Variants in NAA35 observed in about 807,000 individuals in gnomAD.
NAA35 encodes the protein N-alpha-acetyltransferase 35, NatC auxiliary subunit, also known as MAK10 homolog, amino-acid N-acetyltransferase subunit.
In NAA35, 18 loss-of-function variants were observed where a neutral mutation model predicts 101.7. The observed-to-expected ratio is 0.18, with a 90% CI of 0.12 to 0.26. NAA35 has a LOEUF of 0.26. NAA35 is among the 10% of genes least tolerant of loss of function. The pLI is 1.00. For synonymous variants in NAA35, 267 were observed against 273.1 expected, an observed-to-expected ratio of 0.98 and a Z score of 0.22; for missense variants, 601 against 886.8, an observed-to-expected ratio of 0.68 and a Z score of 4.09.
intron 11 of NAA35, chr9:85,986,712 GTAGC>G (rs571076877): frequency 2.0e-4 from 58 of 285,984 alleles, no homozygotes; most frequent in Admixed American, 3.6e-4. Context: ...ACCCTCCTGA[GTAGC>G]TGGAATTACA....
intron 18 of NAA35, 130 bp downstream of exon 18, chr9:86,016,805 AGAGACT>A (rs1431096582): frequency 2.1e-5 from 18 of 844,546 alleles, no homozygotes; most frequent in Non-Finnish European, 3.2e-5. Flanking sequence ...ACTATAAGGT[AGAGACT>A]GAGTCCCAGT....
intron 13 of NAA35, among the ~76,000 whole-genome samples, chr9:86,004,294 G>T (rs11141178): frequency 6.6e-6 from 1 of 151,774 alleles, no homozygotes; most frequent in Non-Finnish European, 1.5e-5. Flanking sequence ...TGGTAGAGAC[G>T]GGGTTTCACC....
chr9:85,944,294 C>T (rs1828658837), intron 2 of NAA35, among the ~76,000 whole-genome samples: 1 of 152,158 alleles, frequency 6.6e-6, no homozygotes, highest in African/African-American at 2.4e-5. Flanking sequence ...GTAAAGTACT[C>T]TATAGTAGCA....
intron 2 of NAA35, among the ~76,000 whole-genome samples, chr9:85,944,403 GAA>G (rs1299332070): frequency 6.6e-6 from 1 of 152,220 alleles, no homozygotes; most frequent in Non-Finnish European, 1.5e-5. Context: ...GGATTAGGAT[GAA>G]AAGAGTCTAC....
At chr9:85,981,662 T>C (rs1033105224) in intron 11 of NAA35, among the ~76,000 whole-genome samples, 7 of 152,198 alleles carry the variant, frequency 4.6e-5, no homozygotes, top group African/African-American at 1.7e-4. Context: ...CTTTTAAAAA[T>C]GTAATCTTAC....
intron 6 of NAA35, among the ~76,000 whole-genome samples, chr9:85,968,346 G>T (rs1339883604): frequency 1.3e-5 from 2 of 152,126 alleles, no homozygotes; most frequent in East Asian, 3.9e-4. Flanking sequence ...GAGTAGCTGG[G>T]ACTACAGGCA....
At chr9:86,011,271 G>T (rs934938455) in intron 15 of NAA35, among the ~76,000 whole-genome samples, 1 of 151,834 alleles carries the variant, frequency 6.6e-6, no homozygotes, top group African/African-American at 2.4e-5. Context: ...TTTAAATGAG[G>T]TCACAAATTG....
In NAA35 at chr9:85,941,263, G is replaced by A; in HGVS notation, c.-16G>A. ...AGTGCGTGGCGGCGCGGGTGACCAC[G>A]GGAGAAGTAGGTAGGGACCGCCCCT... is the stretch of plus-strand genomic sequence containing the variant. On this transcript the variant is annotated 5_prime_UTR_variant, in exon 1 of 23. Transcript: ENST00000361671. 1 of 985,782 alleles carries A rather than the reference G, an allele frequency of 1.0e-6. No individual in the cohort carries two copies. The highest frequency in any genetic ancestry group is 1.2e-6 in the Non-Finnish European group (1 of 830,204). The allele number at this position is 985,782 out of a possible 1,614,324, so 61.1% of individuals were successfully genotyped here.
chr9:86,014,221 G>A (rs1564327390), intron 17 of NAA35: 1 of 231,882 alleles, frequency 4.3e-6, no homozygotes, highest in East Asian at 1.8e-4. Flanking sequence ...AGCTGTGGAT[G>A]TACTTGACAG....
chr9:85,972,102 G>A (rs1035175437), intron 6 of NAA35, among the ~76,000 whole-genome samples: 1 of 152,210 alleles, frequency 6.6e-6, no homozygotes, highest in Middle Eastern at 3.4e-3. Flanking sequence ...GACTTGTGAT[G>A]TTCTTCCAGA....
At position 85,941,152 on chromosome 9, in the gene NAA35, A is replaced by G; in HGVS notation, c.-127A>G. On this transcript the variant is annotated 5_prime_UTR_variant, in exon 1 of 23. An upstream start codon of the reference 5' UTR is lost. Coordinates refer to ENST00000361671, the MANE Select transcript of NAA35 (RefSeq NM_024635.4). ...GGGGTCGCGCGTCCCGGGCATACGCATGCGTGCACGCTGCCGGTCGGGCTG... is the reference window on the plus strand; with the variant it reads ...GGGGTCGCGCGTCCCGGGCATACGCGTGCGTGCACGCTGCCGGTCGGGCTG... 1 of 985,786 alleles carries G rather than the reference A, an allele frequency of 1.0e-6. No individual in the cohort carries two copies. The allele number at this position is 985,786 out of a possible 1,614,324, so 61.1% of individuals were successfully genotyped here. A position where few individuals can be genotyped will look rare whatever the true frequency, so the allele number is the denominator to read the frequency against.
chr9:85,976,657 G>T (rs1830226103), intron 8 of NAA35, 28 bp from the exon 9 acceptor site: 1 of 1,536,584 alleles, frequency 6.5e-7, no homozygotes, highest in Admixed American at 2.1e-5. Flanking sequence ...TCAGGTTTGT[G>T]TTTAATTCAC....
chr9:85,999,193 G>A (rs1390652274), intron 12 of NAA35, among the ~76,000 whole-genome samples: 1 of 152,166 alleles, frequency 6.6e-6, no homozygotes, highest in African/African-American at 2.4e-5. Flanking sequence ...CAGTTTTACA[G>A]TTAAACAAAC....
chr9:85,988,525 C>T (rs979852455), intron 11 of NAA35, among the ~76,000 whole-genome samples: 4 of 152,186 alleles, frequency 2.6e-5, no homozygotes, highest in South Asian at 4.2e-4. Context: ...GAGGGCCGGG[C>T]GTGGTGGCTT....
rs1177790443 is a variant in NAA35, at chr9:86,024,938, AGGAATAGACTTG to A, written c.*2982_*2993del. ...GAGTAAGGGACTGAGATAGGTCCCA[AGGAATAGACTTG>A]GGAGGGCCAGGGAATGGGGAGGCCA... On this transcript the variant is annotated 3_prime_UTR_variant, in exon 23 of 23. Transcript: ENST00000361671. 6.6e-6 allele frequency among the ~76,000 whole-genome samples: 1 copy of A among 152,110 alleles called. No homozygotes were observed. The highest frequency in any genetic ancestry group is 6.5e-5 in the Admixed American group (1 of 15,268).
chr9:85,961,138 G>A (rs906201722), intron 5 of NAA35, among the ~76,000 whole-genome samples: 1 of 152,100 alleles, frequency 6.6e-6, no homozygotes, highest in African/African-American at 2.4e-5. Context: ...AAGGCAGATG[G>A]TTTTTAGTCT....
intron 11 of NAA35, among the ~76,000 whole-genome samples, chr9:85,993,672 T>C (rs1402718683): frequency 6.6e-6 from 1 of 152,170 alleles, no homozygotes; most frequent in Non-Finnish European, 1.5e-5. Context: ...TGCGCCTCAA[T>C]AAAATTAGAA....
intron 13 of NAA35, among the ~76,000 whole-genome samples, chr9:86,006,071 T>C (rs528342380): frequency 6.6e-6 from 1 of 151,770 alleles, no homozygotes; most frequent in African/African-American, 2.4e-5. Context: ...CTCGGGAGGC[T>C]GAGGCAGAGA....
At chr9:85,998,228 A>C (rs1831262537) in intron 12 of NAA35, among the ~76,000 whole-genome samples, 1 of 152,124 alleles carries the variant, frequency 6.6e-6, no homozygotes. Flanking sequence ...GTGTGTATAT[A>C]GTTTTACATG....
Sources: allele counts gnomAD v4.1 joint callset (sites outside exome capture counted in the v4.1 genomes callset), GRCh38; gene constraint gnomAD v4.1.1; transcripts MANE v1.5; gene names NCBI Gene and HGNC (gene_info 2026-07-23, HGNC 2026-07-21).